Variants in ERC1 observed in about 807,000 individuals in gnomAD.
The protein encoded by ERC1 is RAB6 interacting protein 2.
ERC1 carries 56 observed loss-of-function variants against 132.0 expected under a neutral mutation model. The ratio of observed to expected loss-of-function variants is 0.42; its 90% CI spans 0.34 to 0.53. ERC1 has a LOEUF of 0.53. Ranked by LOEUF, ERC1 falls within the 20% of genes least tolerant of loss-of-function variation. ERC1 has a pLI of 0.03. For synonymous variants in ERC1, 478 were observed against 476.1 expected (o/e 1.00, Z -0.05); for missense variants, 1,202 against 1,349.9 (o/e 0.89, Z 1.72).
chr12:1,190,713 T>A (rs1308016101), intron 12 of ERC1, among the ~76,000 whole-genome samples: 1 of 152,154 alleles, frequency 6.6e-6, no homozygotes, highest in Non-Finnish European at 1.5e-5. Context: ...GTCAAGCATG[T>A]GCCTCTTGAC....
intron 16 of ERC1, among the ~76,000 whole-genome samples, chr12:1,395,580 A>C (rs1044881006): frequency 1.3e-5 from 2 of 152,200 alleles, no homozygotes; most frequent in Non-Finnish European, 2.9e-5. Context: ...CATTAAGATG[A>C]ACATACTCAT....
intron 2 of ERC1, among the ~76,000 whole-genome samples, chr12:1,040,507 C>T (rs1159452754): frequency 1.3e-5 from 2 of 151,952 alleles, no homozygotes; most frequent in Non-Finnish European, 1.5e-5. Context: ...GGGATTTCAC[C>T]GTGTTAGCCG....
intron 12 of ERC1, among the ~76,000 whole-genome samples, chr12:1,219,030 G>A (rs1269604727): frequency 5.3e-5 from 8 of 151,696 alleles, no homozygotes; most frequent in South Asian, 4.2e-4. Context: ...GCACCACCAC[G>A]CCTGGCTAAT....
chr12:1,427,663 G>A (rs761851491), intron 17 of ERC1, among the ~76,000 whole-genome samples: 88 of 152,108 alleles, frequency 5.8e-4, no homozygotes, highest in Non-Finnish European at 2.4e-4. Context: ...TGAATCCAGC[G>A]TGGTGGTCGT....
intron 15 of ERC1, among the ~76,000 whole-genome samples, chr12:1,365,958 C>G (rs1158823130): frequency 1.3e-5 from 2 of 152,084 alleles, no homozygotes; most frequent in Admixed American, 1.3e-4. Flanking sequence ...TGAAATAAGC[C>G]AGTCACAAAA....
At chr12:1,179,694 A>G in intron 8 of ERC1, among the ~76,000 whole-genome samples, 1 of 151,400 alleles carries the variant, frequency 6.6e-6, no homozygotes. Context: ...TTTTTAGTAG[A>G]GACGGGGTTT....
chr12:993,873 G>C (rs1960194599), intron 1 of ERC1, among the ~76,000 whole-genome samples: 1 of 152,242 alleles, frequency 6.6e-6, no homozygotes, highest in African/African-American at 2.4e-5. Context: ...CTGCACTCCA[G>C]TCTGGGCTAC....
At position 1,200,331 on chromosome 12, in the gene ERC1, T is replaced by G. The variant is rs116179488; in HGVS notation, c.2351+10279T>G. The stretch of plus-strand genomic sequence containing the variant: ...TCTTTGACTGAAAGTTTTGTTCCCT[T>G]TATTTGTTTGTGGGAATCTGACCTA... On this transcript the variant is annotated intron_variant, in intron 12 of 18. Coordinates refer to ENST00000360905, the MANE Select transcript of ERC1 (RefSeq NM_178040.4). Among the ~76,000 whole-genome samples, 1,331 of 152,238 alleles carry G rather than the reference T, an allele frequency of 8.7e-3. 21 individuals are homozygous for G. Among genetic ancestry groups the G allele is most frequent in the African/African-American group, 0.03 (1,250 of 41,528 alleles).
chr12:1,392,881 T>C (rs888848225), intron 16 of ERC1, among the ~76,000 whole-genome samples: 2 of 152,162 alleles, frequency 1.3e-5, no homozygotes, highest in Non-Finnish European at 2.9e-5. Context: ...CTTTAGAGAA[T>C]AGAGAAAATC....
intron 14 of ERC1, among the ~76,000 whole-genome samples, chr12:1,266,172 G>A (rs1469232649): frequency 2.0e-5 from 3 of 152,028 alleles, no homozygotes; most frequent in African/African-American, 7.2e-5. Context: ...GCTTTTAATT[G>A]TATGCTTTTT....
At chr12:1,313,775 G>A (rs938465818) in intron 15 of ERC1, among the ~76,000 whole-genome samples, 12 of 151,826 alleles carry the variant, frequency 7.9e-5, no homozygotes, top group Non-Finnish European at 1.3e-4. Flanking sequence ...CCCTGAGGTC[G>A]GGAGTTCGAG....
chr12:1,219,586 A>C (rs901246793), intron 12 of ERC1, among the ~76,000 whole-genome samples: 1 of 150,834 alleles, frequency 6.6e-6, no homozygotes, highest in Non-Finnish European at 1.5e-5. Context: ...ATCTGCTTCT[A>C]TATCACTTCT....
intron 18 of ERC1, among the ~76,000 whole-genome samples, chr12:1,469,608 G>A (rs1307104557): frequency 6.6e-6 from 1 of 152,212 alleles, no homozygotes; most frequent in East Asian, 1.9e-4. Flanking sequence ...CACTTTCTGG[G>A]GGAACTGCAC....
chr12:1,045,987 A>C (rs530311377), intron 2 of ERC1, among the ~76,000 whole-genome samples: 1 of 152,144 alleles, frequency 6.6e-6, no homozygotes, highest in Admixed American at 6.5e-5. Context: ...AATGACATAC[A>C]TCAGTACTTT....
intron 13 of ERC1, among the ~76,000 whole-genome samples, chr12:1,256,099 T>A (rs1256389118): frequency 6.6e-6 from 1 of 152,144 alleles, no homozygotes; most frequent in Non-Finnish European, 1.5e-5. Flanking sequence ...GTTTGCTTTT[T>A]TCTTGTAAAT....
intron 13 of ERC1, among the ~76,000 whole-genome samples, chr12:1,249,114 A>G (rs1314464485): frequency 6.6e-6 from 1 of 150,916 alleles, no homozygotes; most frequent in African/African-American, 2.4e-5. Context: ...CTGGACTTGA[A>G]CTCCTGGCCT....
At chr12:1,409,174 T>G (rs2091696502) in intron 17 of ERC1, among the ~76,000 whole-genome samples, 1 of 152,250 alleles carries the variant, frequency 6.6e-6, no homozygotes, top group South Asian at 2.1e-4. Context: ...TATAGTCCTA[T>G]TATGATGACG....
At chr12:1,428,542 T>C (rs1262146244) in intron 17 of ERC1, among the ~76,000 whole-genome samples, 2 of 152,154 alleles carry the variant, frequency 1.3e-5, no homozygotes, top group African/African-American at 4.8e-5. Flanking sequence ...TCAGTTAGCC[T>C]ACGACTTGAC....
chr12:1,262,483 G>A (rs1048534141), intron 13 of ERC1, among the ~76,000 whole-genome samples: 7 of 152,170 alleles, frequency 4.6e-5, no homozygotes, highest in Non-Finnish European at 1.0e-4. Context: ...TCTCCTATGA[G>A]ATTATGAGAA....
Sources: gnomAD v4.1 joint callset for allele counts (sites outside exome capture counted in the v4.1 genomes callset) on GRCh38, gnomAD v4.1.1 for gene constraint, MANE v1.5 for transcripts, NCBI Gene and HGNC (gene_info 2026-07-23, HGNC 2026-07-21) for gene names.